Variants in MAN1A1 observed in about 807,000 individuals in gnomAD.
The protein encoded by MAN1A1 is mannosyl-oligosaccharide 1,2-alpha-mannosidase IA.
In MAN1A1, 29 loss-of-function variants were observed where a neutral mutation model predicts 70.8. The observed-to-expected ratio is 0.41, with a 90% CI of 0.31 to 0.56. MAN1A1 has a LOEUF of 0.56. MAN1A1 is among the 20% of genes least tolerant of loss of function. MAN1A1 has a pLI of 0.29. For missense variants in MAN1A1, 747 were observed against 841.3 expected (o/e 0.89, Z 1.39); for synonymous variants, 349 against 330.1 (o/e 1.06, Z -0.62).
rs185648826 is a variant in MAN1A1 at position 119,264,613 on chromosome 6, T to G, written c.898-16259A>C. Among the ~76,000 whole-genome samples, 6 of 152,324 alleles carry G rather than the reference T, an allele frequency of 3.9e-5. No individual in the cohort carries two copies. The East Asian group carries it at 1.2e-3, about 29-fold the overall frequency. On this transcript the variant is annotated intron_variant, in intron 5 of 12. Coordinates refer to ENST00000368468, the MANE Select transcript of MAN1A1 (RefSeq NM_005907.4). ...GTTGTTGTTTAGGAGCTTATTTTACTGTTAAGTCATGTCTCTAAGTCATTT... is the reference window on the plus strand; with the variant it reads ...GTTGTTGTTTAGGAGCTTATTTTACGGTTAAGTCATGTCTCTAAGTCATTT...
intron 6 of MAN1A1, among the ~76,000 whole-genome samples, chr6:119,241,836 A>T (rs1329654245): frequency 6.6e-6 from 1 of 152,066 alleles, no homozygotes; most frequent in Non-Finnish European, 1.5e-5. Context: ...AAAATGCCAG[A>T]ATTTTATCCC....
At chr6:119,250,996 A>C (rs1377400820) in intron 5 of MAN1A1, among the ~76,000 whole-genome samples, 1 of 152,180 alleles carries the variant, frequency 6.6e-6, no homozygotes, top group East Asian at 1.9e-4. Flanking sequence ...TTTTTGATTT[A>C]CCGCCTCCAT....
At chr6:119,236,375 C>T (rs548232298) in intron 6 of MAN1A1, among the ~76,000 whole-genome samples, 2 of 152,170 alleles carry the variant, frequency 1.3e-5, no homozygotes, top group East Asian at 1.9e-4. Flanking sequence ...CGTTTTCATG[C>T]CTGCTAACAT....
chr6:119,340,606 CACAG>C (rs1443010390), intron 2 of MAN1A1, among the ~76,000 whole-genome samples: 1 of 152,174 alleles, frequency 6.6e-6, no homozygotes, highest in Non-Finnish European at 1.5e-5. Context: ...AAACTCCTAG[CACAG>C]ACAAACAGGC....
chr6:119,342,952 T>C (rs1773635967), intron 2 of MAN1A1, among the ~76,000 whole-genome samples: 2 of 152,166 alleles, frequency 1.3e-5, no homozygotes, highest in South Asian at 4.1e-4. Flanking sequence ...TCATAAAGAA[T>C]GTTTAACTGA....
chr6:119,294,734 C>A (rs1243440942), intron 4 of MAN1A1, among the ~76,000 whole-genome samples: 1 of 152,050 alleles, frequency 6.6e-6, no homozygotes, highest in East Asian at 1.9e-4. Context: ...TTTTGATTTA[C>A]TTATAGCAAT....
In MAN1A1 at chr6:119,348,478, C is replaced by T. The variant is rs1582824111; in HGVS notation, c.588G>A (p.Arg196=). The T allele has an allele frequency of 6.2e-6, 10 of 1,605,568 alleles. No homozygotes were observed. The highest frequency in any genetic ancestry group is 8.5e-6 in the Non-Finnish European group (10 of 1,175,822). Residue 196 remains arginine, a synonymous_variant, in exon 2 of 13, where the codon AGG becomes AGA. Coordinates refer to ENST00000368468, the MANE Select transcript of MAN1A1 (RefSeq NM_005907.4). The part of the protein sequence containing the change: ...EPADAAIREK[R]AKIKEMMKHA... ...GCCCACTCACCTCTTTGATCTTTGC[C>T]CTTTTCTCGCGGATGGCGGCGTCGG...
rs762744698 is a variant in MAN1A1, at chr6:119,204,891, G to C, written c.993-9C>G. The C allele has an allele frequency of 7.4e-6, 12 of 1,613,146 alleles. No individual in the cohort carries two copies. The Admixed American group carries it at 8.4e-5, about 11-fold the overall frequency. ...AGTTCCTTCCAATACCACTAAAGAA[G>C]AGATGACGTCGAAGAGTTATGGGTC... On this transcript the variant is annotated splice_polypyrimidine_tract_variant and intron_variant, in intron 6 of 12. Transcript: ENST00000368468.
chr6:119,334,560 CA>C (rs1279983768), intron 2 of MAN1A1, among the ~76,000 whole-genome samples: 12 of 152,082 alleles, frequency 7.9e-5, no homozygotes, highest in African/African-American at 2.9e-4. Flanking sequence ...GTTCTGTTTC[CA>C]AATCTAATCC....
chr6:119,348,217 G>C (rs1295772427), intron 2 of MAN1A1, among the ~76,000 whole-genome samples: 2 of 152,222 alleles, frequency 1.3e-5, no homozygotes, highest in East Asian at 3.8e-4. Flanking sequence ...CGTGTGGCTT[G>C]TGGTCACCAG....
At chr6:119,218,773 G>C (rs115251503) in intron 6 of MAN1A1, among the ~76,000 whole-genome samples, 1 of 152,174 alleles carries the variant, frequency 6.6e-6, no homozygotes, top group Non-Finnish European at 1.5e-5. Flanking sequence ...CTGGGATGGC[G>C]TACTGGCCAG....
chr6:119,224,111 CCA>C (rs1774441078), intron 6 of MAN1A1, among the ~76,000 whole-genome samples: 2 of 152,078 alleles, frequency 1.3e-5, no homozygotes, highest in Admixed American at 1.3e-4. Flanking sequence ...AGAGGTGGGA[CCA>C]AAACACTGGG....
intron 5 of MAN1A1, among the ~76,000 whole-genome samples, chr6:119,256,077 T>C: frequency 6.6e-6 from 1 of 152,196 alleles, no homozygotes; most frequent in East Asian, 1.9e-4. Context: ...TCTTCCCAAC[T>C]TGTTTTTTTT....
intron 11 of MAN1A1, among the ~76,000 whole-genome samples, chr6:119,185,648 C>T (rs1773267873): frequency 6.6e-6 from 1 of 151,946 alleles, no homozygotes; most frequent in Non-Finnish European, 1.5e-5. Flanking sequence ...GTGATCTCGG[C>T]TCATTGCAAG....
chr6:119,251,274 G>A (rs1243139199), intron 5 of MAN1A1, among the ~76,000 whole-genome samples: 2 of 151,910 alleles, frequency 1.3e-5, no homozygotes, highest in African/African-American at 2.4e-5. Flanking sequence ...GTCTAACATC[G>A]GGTCAAATCT....
At chr6:119,257,665 A>T (rs1775496675) in intron 5 of MAN1A1, among the ~76,000 whole-genome samples, 1 of 152,184 alleles carries the variant, frequency 6.6e-6, no homozygotes, top group African/African-American at 2.4e-5. Context: ...AGTATGATAA[A>T]AGTTACATGT....
intron 6 of MAN1A1, among the ~76,000 whole-genome samples, chr6:119,241,433 G>A (rs1013714572): frequency 4.6e-5 from 7 of 152,160 alleles, no homozygotes; most frequent in East Asian, 3.8e-4. Context: ...AAGTGTGGTC[G>A]TTGGGCAAGC....
At chr6:119,323,436 A>T (rs1773070011) in intron 2 of MAN1A1, among the ~76,000 whole-genome samples, 2 of 152,336 alleles carry the variant, frequency 1.3e-5, no homozygotes, top group Middle Eastern at 3.4e-3. Flanking sequence ...TTTAACCAAT[A>T]CTTAGCAATT....
chr6:119,220,295 C>G (rs183229457), intron 6 of MAN1A1, among the ~76,000 whole-genome samples: 97 of 151,998 alleles, frequency 6.4e-4, no homozygotes, highest in Non-Finnish European at 8.2e-4. Flanking sequence ...AGCTTAATTC[C>G]AAGAGGTAAA....
Sources: gnomAD v4.1 joint callset for allele counts (sites outside exome capture counted in the v4.1 genomes callset) on GRCh38, gnomAD v4.1.1 for gene constraint, MANE v1.5 for transcripts, NCBI Gene and HGNC (gene_info 2026-07-23, HGNC 2026-07-21) for gene names.